Variants in FLYWCH1 observed in about 807,000 individuals in gnomAD.
The protein encoded by FLYWCH1 is FLYWCH-type zinc finger-containing protein 1.
Under a neutral mutation model 66.4 loss-of-function variants are expected in FLYWCH1, and 75 were observed. The ratio of observed to expected loss-of-function variants is 1.13; its 90% CI spans 0.94 to 1.37. The LOEUF is 1.37. Among genes scored for constraint, FLYWCH1 ranks in the 40% most tolerant of loss-of-function variants. The pLI, the probability that FLYWCH1 is intolerant of heterozygous loss-of-function variation, is 0.00. For synonymous variants in FLYWCH1, 595 were observed against 429.9 expected (o/e 1.38, Z -4.75); for missense variants, 1,334 against 1,001.8 (o/e 1.33, Z -4.48).
chr16:2,936,624 C>T (rs756166305), intron 6 of FLYWCH1: 10 of 457,794 alleles, frequency 2.2e-5, no homozygotes, highest in Non-Finnish European at 2.6e-5. Context: ...CAGGTCCTCC[C>T]TCTCACCACA....
Position 2,946,984 on chromosome 16 carries a change from C to CCACT in FLYWCH1, c.2112-1702_2112-1699dup, listed in dbSNP as rs371098201. Among the ~76,000 whole-genome samples, 305 of 152,236 alleles carry CCACT rather than the reference C, an allele frequency of 2.0e-3. 1 individual carries two copies. Among genetic ancestry groups the CCACT allele is most frequent in the African/African-American group, 7.0e-3 (292 of 41,536 alleles). On this transcript the variant is annotated intron_variant, in intron 9 of 9. Coordinates refer to ENST00000253928, the MANE Select transcript of FLYWCH1 (RefSeq NM_001308068.2). ...AGAGGTACCCTATGACCCAGCAATT[C>CCACT]CACTCCTAGGTATGTACCCAGGAGA... is the stretch of plus-strand genomic sequence containing the variant.
At chr16:2,924,616 C>T (rs139113144) in intron 2 of FLYWCH1, among the ~76,000 whole-genome samples, 3 of 152,136 alleles carry the variant, frequency 2.0e-5, no homozygotes, top group South Asian at 2.1e-4. Flanking sequence ...GCCCGTGAGG[C>T]GTGGGAATGT....
intron 7 of FLYWCH1, among the ~76,000 whole-genome samples, chr16:2,937,668 G>C (rs1426583041): frequency 1.3e-5 from 2 of 152,136 alleles, no homozygotes; most frequent in Non-Finnish European, 2.9e-5. Flanking sequence ...AGAGTGCTTG[G>C]CATCTGCTGA....
At chr16:2,937,912 G>A (rs544247936) in intron 7 of FLYWCH1, among the ~76,000 whole-genome samples, 2 of 152,256 alleles carry the variant, frequency 1.3e-5, no homozygotes, top group African/African-American at 4.8e-5. Flanking sequence ...GCAAGCATGA[G>A]GTCTGAGGGG....
Position 2,929,940 on chromosome 16 carries a change from T to A in FLYWCH1, c.255T>A (p.Val85=). ...CCAGCACCTTGCAGATCCTGCCAGTTGAGGAGCAGGGAGGGGTGGTCCAGC... is the reference window on the plus strand; with the variant it reads ...CCAGCACCTTGCAGATCCTGCCAGTAGAGGAGCAGGGAGGGGTGGTCCAGC... The part of the protein sequence containing the change: ...TLASTLQILP[V]EEQGGVVQPA... The change falls in exon 3 of 10, where the codon GTT becomes GTA. Residue 85 remains valine, a synonymous_variant. Transcript: ENST00000253928. 1 of 1,613,532 alleles carries A rather than the reference T, an allele frequency of 6.2e-7. No homozygotes were observed. Among genetic ancestry groups the A allele is most frequent in the South Asian group, 1.1e-5 (1 of 91,082 alleles).
At chr16:2,939,893 G>C in intron 8 of FLYWCH1, 139 bp from the exon 9 acceptor site, 1 of 950,666 alleles carries the variant, frequency 1.1e-6, no homozygotes, top group Non-Finnish European at 1.5e-6. Flanking sequence ...TTGATGCGTT[G>C]AATTCCCAGC....
At position 2,930,452 on chromosome 16, in the gene FLYWCH1, GCC is replaced by G; in HGVS notation, c.369_370del (p.Arg124ProfsTer28). The G allele has an allele frequency of 1.3e-6, 2 of 1,496,178 alleles. 1 individual carries two copies. 92.7% of individuals were successfully genotyped at this position (1,496,178 alleles called of 1,614,324 possible). On this transcript the variant is annotated frameshift_variant, in exon 4 of 10. Coordinates refer to ENST00000253928, the MANE Select transcript of FLYWCH1 (RefSeq NM_001308068.2). LOFTEE classifies it high-confidence loss of function. Reference sequence around the variant, plus strand: ...GAGTTCCTGAGGACACCATTCGGGGGCCGCCTCCTGGTGCTGGAGTCCTTCCT... The same window carrying G: ...GAGTTCCTGAGGACACCATTCGGGGGGCCTCCTGGTGCTGGAGTCCTTCCT...
chr16:2,914,108 T>C (rs1596348287), intron 1 of FLYWCH1, 68 bp from the exon 2 acceptor site: 1 of 152,384 alleles, frequency 6.6e-6, no homozygotes, highest in Admixed American at 6.5e-5. Context: ...TGTTCTTGTC[T>C]AATGGTCGAC....
chr16:2,939,464 G>A (rs1354544732), intron 8 of FLYWCH1, among the ~76,000 whole-genome samples: 2 of 142,704 alleles, frequency 1.4e-5, no homozygotes. Flanking sequence ...CTCAAAAAAA[G>A]AGAAGAAAAG....
At chr16:2,947,011 C>A (rs182754404) in intron 9 of FLYWCH1, among the ~76,000 whole-genome samples, 2 of 152,134 alleles carry the variant, frequency 1.3e-5, no homozygotes, top group Non-Finnish European at 2.9e-5. Context: ...CCCAGGAGAA[C>A]TGAAAACACA....
intron 2 of FLYWCH1, among the ~76,000 whole-genome samples, chr16:2,927,098 A>G (rs2150934298): frequency 6.6e-6 from 1 of 152,338 alleles, no homozygotes; most frequent in East Asian, 1.9e-4. Context: ...ACAGACCTCA[A>G]GTGGTGTGTG....
rs907020684 is a variant in FLYWCH1 at position 2,930,885 on chromosome 16, G to C, written c.796+5G>C. The C allele has an allele frequency of 4.4e-6, 7 of 1,580,336 alleles. No homozygotes were observed. In the South Asian group the frequency reaches 4.6e-5, roughly 10 times the overall value. On this transcript the variant is annotated splice_donor_5th_base_variant and intron_variant, in intron 4 of 9. Transcript: ENST00000253928. ...AGCGCTCGATCCTGGGGCTGGGTGA[G>C]TACAATCCACTCCCCTGCTGCGTCC...
chr16:2,940,611 T>C (rs1383992835), intron 9 of FLYWCH1, among the ~76,000 whole-genome samples: 1 of 152,150 alleles, frequency 6.6e-6, no homozygotes, highest in Non-Finnish European at 1.5e-5. Flanking sequence ...GATTTTTGTA[T>C]TTGCAGTAGA....
At position 2,938,345 on chromosome 16, in the gene FLYWCH1, G is replaced by A; in HGVS notation, c.1939G>A (p.Gly647Ser). The stretch of plus-strand genomic sequence containing the variant: ...CTGCCGCAGCCGCGCCATAACCCAG[G>A]GCCACCGCATCATGGTCATGCGCAG... ...LGCRSRAITQGHRIMVMRSHC... is the reference protein window; with the variant it reads ...LGCRSRAITQSHRIMVMRSHC... Residue 647 changes from glycine (G) to serine (S), a missense_variant, in exon 8 of 10, where the codon GGC (glycine) becomes AGC (serine). Gly to Ser is a moderately conservative substitution (Grantham distance 56). Coordinates refer to ENST00000253928, the MANE Select transcript of FLYWCH1 (RefSeq NM_001308068.2). 1 of 1,603,744 alleles carries A rather than the reference G, an allele frequency of 6.2e-7. No homozygotes were observed. Among genetic ancestry groups the A allele is most frequent in the Non-Finnish European group, 8.5e-7 (1 of 1,174,620 alleles).
At chr16:2,920,482 C>G (rs1426947792) in intron 2 of FLYWCH1, among the ~76,000 whole-genome samples, 1 of 151,348 alleles carries the variant, frequency 6.6e-6, no homozygotes, top group Non-Finnish European at 1.5e-5. Flanking sequence ...CCATTGCACT[C>G]CAGCCTGGGT....
rs987415751 is a variant in FLYWCH1 at position 2,951,164 on chromosome 16, C to T, written c.*2437C>T. On this transcript the variant is annotated 3_prime_UTR_variant, in exon 10 of 10. Coordinates refer to ENST00000253928, the MANE Select transcript of FLYWCH1 (RefSeq NM_001308068.2). ...CCCTTTGACATGACAGTGCCAACAACATCTCATGAAATTTAAAATAAATCC... is the reference window on the plus strand; with the variant it reads ...CCCTTTGACATGACAGTGCCAACAATATCTCATGAAATTTAAAATAAATCC... The T allele has an allele frequency of 1.3e-5, 2 of 152,260 alleles. No individual in the cohort carries two copies. Among genetic ancestry groups the T allele is most frequent in the South Asian group, 2.1e-4 (1 of 4,834 alleles). 9.4% of individuals were successfully genotyped at this position (152,260 alleles called of 1,614,324 possible).
At chr16:2,947,280 G>A (rs72770856) in intron 9 of FLYWCH1, among the ~76,000 whole-genome samples, 7,072 of 152,320 alleles carry the variant, frequency 0.046, 235 homozygotes, top group Non-Finnish European at 0.069. Context: ...GGCACATTTA[G>A]AGAGACAGAA....
intron 2 of FLYWCH1, chr16:2,922,585 C>T (rs2070412209): frequency 3.1e-6 from 1 of 324,754 alleles, no homozygotes; most frequent in Non-Finnish European, 6.0e-6. Flanking sequence ...TTGTGCCTGG[C>T]ATGTCGTATG....
intron 6 of FLYWCH1, 45 bp downstream of exon 6, chr16:2,934,024 G>A: frequency 1.4e-6 from 2 of 1,478,706 alleles, no homozygotes; most frequent in Non-Finnish European, 1.8e-6. Context: ...AAGCAGGCAG[G>A]AGCCCCACAC....
Sources: allele counts gnomAD v4.1 joint callset (sites outside exome capture counted in the v4.1 genomes callset), GRCh38; gene constraint gnomAD v4.1.1; transcripts MANE v1.5; gene names NCBI Gene and HGNC (gene_info 2026-07-23, HGNC 2026-07-21).